SLC5A8: variants seen among roughly 807,000 people sequenced by gnomAD.
The protein encoded by SLC5A8 is sodium-coupled monocarboxylate transporter 1.
SLC5A8 carries 55 observed loss-of-function variants against 71.9 expected under a neutral mutation model. That is an observed-to-expected ratio of 0.77 (90% CI 0.62 to 0.96). SLC5A8 has a LOEUF of 0.96. Ranked by LOEUF, SLC5A8 falls within the 40% of genes least tolerant of loss-of-function variation. The pLI is 0.00. For synonymous variants in SLC5A8, 307 were observed against 276.1 expected, an observed-to-expected ratio of 1.11 and a Z score of -1.11; for missense variants, 701 against 745.3, an observed-to-expected ratio of 0.94 and a Z score of 0.69.
rs2051698671 is a variant in SLC5A8 at position 101,158,700 on chromosome 12, A to G, written c.1631-372T>C. Among the ~76,000 whole-genome samples the G allele has an allele frequency of 2.0e-5, 3 of 147,332 alleles. No individual in the cohort carries two copies. In the Admixed American group the frequency reaches 2.1e-4, roughly 10 times the overall value. On this transcript the variant is annotated intron_variant, in intron 13 of 14. Coordinates refer to ENST00000536262, the MANE Select transcript of SLC5A8 (RefSeq NM_145913.5). ...CAACTGCTTCATCTGGTACTCAACT[A>G]GAGAAACAGTCATCTGGCCCAATGC...
rs1337058386 is a variant in SLC5A8 at position 101,156,200 on chromosome 12, C to A, written c.*1079G>T. ...TTAGCCCTTTAACTGGATAAATATA[C>A]CGAAATTTCAAAATTTCTAGGCATA... is the stretch of plus-strand genomic sequence containing the variant. On this transcript the variant is annotated 3_prime_UTR_variant, in exon 15 of 15. Coordinates refer to ENST00000536262, the MANE Select transcript of SLC5A8 (RefSeq NM_145913.5). 1 of 152,112 alleles carries A rather than the reference C, an allele frequency of 6.6e-6. No individual in the cohort carries two copies. Among genetic ancestry groups the A allele is most frequent in the African/African-American group, 2.4e-5 (1 of 41,428 alleles). 9.4% of individuals were successfully genotyped at this position (152,112 alleles called of 1,614,324 possible). A position where few individuals can be genotyped will look rare whatever the true frequency, so the allele number is the denominator to read the frequency against.
Position 101,182,885 on chromosome 12 carries a change from T to A in SLC5A8, c.1083A>T (p.Ala361=), listed in dbSNP as rs144991058. ...TGATTAGATCTTCCACAGTTACTGC[T>A]GCTAAGGCATTAATACTGGAGGACA... ...STVSSSINAL[A]AVTVEDLIKP... Residue 361 remains alanine, a synonymous_variant, in exon 9 of 15, where the codon GCA becomes GCT. Coordinates refer to ENST00000536262, the MANE Select transcript of SLC5A8 (RefSeq NM_145913.5). 1 of 1,593,298 alleles carries A rather than the reference T, an allele frequency of 6.3e-7. No homozygotes were observed. The highest frequency in any genetic ancestry group is 8.5e-7 in the Non-Finnish European group (1 of 1,172,660).
intron 12 of SLC5A8, among the ~76,000 whole-genome samples, chr12:101,163,337 G>A (rs1271934395): frequency 6.6e-6 from 1 of 152,138 alleles, no homozygotes; most frequent in East Asian, 1.9e-4. Flanking sequence ...TATAAAACCT[G>A]GGGCATGGGG....
chr12:101,190,403 G>T, intron 6 of SLC5A8, 65 bp downstream of exon 6: 1 of 1,543,614 alleles, frequency 6.5e-7, no homozygotes, highest in Non-Finnish European at 8.8e-7. Context: ...CGTGACTTAT[G>T]AAAGAGTTTC....
intron 9 of SLC5A8, among the ~76,000 whole-genome samples, chr12:101,180,819 G>C (rs1407878161): frequency 6.6e-6 from 1 of 152,114 alleles, no homozygotes; most frequent in African/African-American, 2.4e-5. Context: ...CTCCCAAAGT[G>C]CTAGGATTAC....
intron 1 of SLC5A8, among the ~76,000 whole-genome samples, chr12:101,208,952 G>A (rs901571198): frequency 6.6e-6 from 1 of 152,144 alleles, no homozygotes; most frequent in Admixed American, 6.5e-5. Flanking sequence ...GGTAGAATCT[G>A]GTCCGAAATA....
Position 101,166,589 on chromosome 12 carries a change from G to A in SLC5A8, c.1431C>T (p.Ile477=). The change falls in exon 12 of 15, where the codon ATC becomes ATT. Residue 477 remains isoleucine, a synonymous_variant. Transcript: ENST00000536262. Reference sequence around the variant, plus strand: ...CATTGTAGGTGCTGTTACAGCCTTGGATATCAAGGTGCAATGGCAATGTTC... The same window carrying A: ...CATTGTAGGTGCTGTTACAGCCTTGAATATCAAGGTGCAATGGCAATGTTC... The part of the protein sequence containing the change: ...PERTLPLHLD[I]QGCNSTYNET... 1 of 1,613,942 alleles carries A rather than the reference G, an allele frequency of 6.2e-7. No homozygotes were observed.
intron 10 of SLC5A8, among the ~76,000 whole-genome samples, chr12:101,179,559 G>A (rs1352559119): frequency 1.3e-5 from 2 of 152,156 alleles, no homozygotes; most frequent in African/African-American, 2.4e-5. Flanking sequence ...GTAATTCCAT[G>A]TATGTAGCAT....
rs114090133 is a variant in SLC5A8 at position 101,208,705 on chromosome 12, T to C, written c.351+793A>G. On this transcript the variant is annotated intron_variant, in intron 1 of 14. Coordinates refer to ENST00000536262, the MANE Select transcript of SLC5A8 (RefSeq NM_145913.5). ...AGGCAGAGCTGTTTGAGAACCTTGC[T>C]GCCTAATTTTCCTACTGATCCCAAG... is the stretch of plus-strand genomic sequence containing the variant. Among the ~76,000 whole-genome samples the C allele has an allele frequency of 4.6e-3, 705 of 152,314 alleles. 5 individuals carry two copies. Among genetic ancestry groups the C allele is most frequent in the African/African-American group, 0.016 (671 of 41,566 alleles).
chr12:101,206,361 T>C (rs931022982), intron 1 of SLC5A8, among the ~76,000 whole-genome samples: 3 of 152,230 alleles, frequency 2.0e-5, no homozygotes, highest in Non-Finnish European at 4.4e-5. Flanking sequence ...TATGAATCAC[T>C]AAACATGTGA....
intron 1 of SLC5A8, among the ~76,000 whole-genome samples, chr12:101,208,923 G>T (rs1869790355): frequency 6.6e-6 from 1 of 152,178 alleles, no homozygotes; most frequent in African/African-American, 2.4e-5. Context: ...AGTCACCCAA[G>T]GTCACCCAGC....
At chr12:101,158,392 T>A (rs1395683608) in intron 13 of SLC5A8, 64 bp from the exon 14 acceptor site, 4 of 1,025,458 alleles carry the variant, frequency 3.9e-6, no homozygotes, top group Non-Finnish European at 4.4e-6. Context: ...CACAGAGACA[T>A]TCCATTATAC....
intron 3 of SLC5A8, among the ~76,000 whole-genome samples, chr12:101,200,505 A>T (rs1469731883): frequency 6.6e-6 from 1 of 152,120 alleles, no homozygotes; most frequent in Non-Finnish European, 1.5e-5. Context: ...AAGAGACATC[A>T]ACTGATTGCA....
chr12:101,168,072 A>G, intron 11 of SLC5A8, 24 bp downstream of exon 11: 1 of 1,587,132 alleles, frequency 6.3e-7, no homozygotes, highest in Non-Finnish European at 8.6e-7. Flanking sequence ...GTAATCCTCA[A>G]GCATATTCAT....
chr12:101,166,655 C>T lies in SLC5A8; in HGVS notation c.1365G>A (p.Trp455Ter). The T allele has an allele frequency of 6.2e-7, 1 of 1,612,898 alleles. No individual in the cohort carries two copies. The highest frequency in any genetic ancestry group is 1.1e-5 in the South Asian group (1 of 90,812). The change falls in exon 12 of 15, where the codon TGG becomes TGA. Residue 455 changes from tryptophan (W) to a stop codon, truncating the protein, a stop_gained. Coordinates refer to ENST00000536262, the MANE Select transcript of SLC5A8 (RefSeq NM_145913.5). LOFTEE classifies it high-confidence loss of function. ...GLMAGFAISL[W>*]VGIGAQIYPP... is the part of the protein sequence containing the mutation. ...GATATATTTGAGCTCCAATTCCAAC[C>T]CATAGAGAAATGGCAAATCCAGCCA...
chr12:101,173,452 G>A (rs957711218), intron 10 of SLC5A8, among the ~76,000 whole-genome samples: 5 of 152,304 alleles, frequency 3.3e-5, no homozygotes, highest in Middle Eastern at 3.4e-3. Context: ...TGTGGCCAGC[G>A]GTAAGCCAGC....
chr12:101,165,696 T>C (rs1394261465), intron 12 of SLC5A8, among the ~76,000 whole-genome samples: 1 of 152,148 alleles, frequency 6.6e-6, no homozygotes, highest in East Asian at 1.9e-4. Flanking sequence ...GTTCCTTCTC[T>C]CAGGAGTGTG....
intron 8 of SLC5A8, 33 bp downstream of exon 8, chr12:101,184,101 G>A (rs973938433): frequency 6.3e-7 from 1 of 1,575,838 alleles, no homozygotes; most frequent in African/African-American, 1.4e-5. Flanking sequence ...TCCCAACAGG[G>A]AAATCATATG....
At chr12:101,208,045 G>A (rs1197948329) in intron 1 of SLC5A8, among the ~76,000 whole-genome samples, 3 of 151,772 alleles carry the variant, frequency 2.0e-5, no homozygotes, top group Non-Finnish European at 4.4e-5. Flanking sequence ...TTGAGTTCTC[G>A]AAAGAAGTCA....
Sources: gnomAD v4.1 joint callset for allele counts (sites outside exome capture counted in the v4.1 genomes callset) on GRCh38, gnomAD v4.1.1 for gene constraint, MANE v1.5 for transcripts, NCBI Gene and HGNC (gene_info 2026-07-23, HGNC 2026-07-21) for gene names.